The following LHX6 variants were observed in gnomAD, a reference collection of about 807,000 sequenced individuals.
The protein encoded by LHX6 is LIM homeobox 6.
In LHX6, 15 loss-of-function variants were observed where a neutral mutation model predicts 47.1. The observed-to-expected ratio is 0.32, with a 90% CI of 0.21 to 0.49. The LOEUF (loss-of-function observed/expected upper bound fraction) is 0.49. Ranked by LOEUF, LHX6 falls within the 20% of genes least tolerant of loss-of-function variation. LHX6 has a pLI of 0.99. For missense variants in LHX6, 404 were observed against 539.6 expected, an observed-to-expected ratio of 0.75 and a Z score of 2.49; for synonymous variants, 242 against 233.5, an observed-to-expected ratio of 1.04 and a Z score of -0.33.
chr9:122,228,171 G>A, intron 1 of LHX6: 2 of 1,123,146 alleles, frequency 1.8e-6, no homozygotes, highest in South Asian at 2.7e-5. Flanking sequence ...GGATTCAGGC[G>A]CCTTTCGAGG....
At chr9:122,221,245 G>A (rs952899083) in intron 4 of LHX6, 88 of 985,092 alleles carry the variant, frequency 8.9e-5, no homozygotes, top group Non-Finnish European at 1.0e-4. Flanking sequence ...CCCAGAACCA[G>A]CAATTAAGAG....
Position 122,203,615 on chromosome 9 carries a change from T to C in LHX6, c.*1145A>G, listed in dbSNP as rs149824889. 3.3e-5 allele frequency: 5 copies of C among 152,822 alleles called. No homozygotes were observed. In the East Asian group the frequency reaches 5.8e-4, roughly 18 times the overall value. 9.5% of individuals were successfully genotyped at this position (152,822 alleles called of 1,614,324 possible). On this transcript the variant is annotated 3_prime_UTR_variant, in exon 10 of 10. Coordinates refer to ENST00000394319, the MANE Select transcript of LHX6 (RefSeq NM_014368.5). ...TAGCAGGATGGATGTTACGCAGCTG[T>C]GTCTGACCTCTGTTCTCAGGGGTGG...
In LHX6 at chr9:122,217,020, G is replaced by T. The variant is rs1301848542; in HGVS notation, c.682+48C>A. On this transcript the variant is annotated intron_variant, in intron 5 of 9. Transcript: ENST00000394319. This position sits in a 1 kb window ranked among gnomAD's most constrained non-coding sequence, Gnocchi z 4.9. ...TCCTGGGGTGCTGGGGTGGGGTGGG[G>T]TGGGAAAGGGCTGGGGGCAGAGGTG... The T allele has an allele frequency of 1.3e-6, 2 of 1,528,416 alleles. No homozygotes were observed. Among genetic ancestry groups the T allele is most frequent in the East Asian group, 2.3e-5 (1 of 44,240 alleles). 94.7% of individuals were successfully genotyped at this position (1,528,416 alleles called of 1,614,324 possible). A position where few individuals can be genotyped will look rare whatever the true frequency, so the allele number is the denominator to read the frequency against.
At position 122,213,415 on chromosome 9, in the gene LHX6, C is replaced by T. The variant is rs1438506958; in HGVS notation, c.1054+191G>A. Among the ~76,000 whole-genome samples, 2 of 152,168 alleles carry T rather than the reference C, an allele frequency of 1.3e-5. No homozygotes were observed. The highest frequency in any genetic ancestry group is 6.5e-5 in the Admixed American group (1 of 15,282). ...CTTGCCTCTATGAAGGATCCCGCTC[C>T]ACTGAGGCAGAGCCGAAGATTTGAC... On this transcript the variant is annotated intron_variant, in intron 8 of 9. Transcript: ENST00000394319. The surrounding 1 kb of genome is among the most constrained non-coding windows in gnomAD (Gnocchi z 5.5).
In LHX6 at chr9:122,214,340, G is replaced by A; in HGVS notation, c.726C>T (p.Asp242=). Reference sequence around the variant, plus strand: ...CGCGCTTGGCCGGCTTGGGTTGACTGTCCTGTTCCGAGGGCACTGCCCCCT... The same window carrying A: ...CGCGCTTGGCCGGCTTGGGTTGACTATCCTGTTCCGAGGGCACTGCCCCCT... ...TLEGAVPSEQ[D]SQPKPAKRAR... Residue 242 remains aspartate, a synonymous_variant, in exon 6 of 10, where the codon GAC becomes GAT. Transcript: ENST00000394319. The surrounding 1 kb of genome is among the most constrained non-coding windows in gnomAD (Gnocchi z 4.6). 1 of 1,598,242 alleles carries A rather than the reference G, an allele frequency of 6.3e-7. No homozygotes were observed.
At chr9:122,218,883 A>G (rs769644047) in intron 4 of LHX6, among the ~76,000 whole-genome samples, 3 of 151,776 alleles carry the variant, frequency 2.0e-5, no homozygotes, top group South Asian at 2.1e-4. Flanking sequence ...CCTCCCCCAG[A>G]GTCCCACGGC....
rs2118872678 is a variant in LHX6, at chr9:122,217,871, CTG to C, written c.462-585_462-584del. ...TACTGGCTTTGTGACACTAGGCAAA[CTG>C]TTTAACTCTGAGTTCTCGTTTTCCT... On this transcript the variant is annotated intron_variant, in intron 4 of 9. Transcript: ENST00000394319. This position sits in a 1 kb window ranked among gnomAD's most constrained non-coding sequence, Gnocchi z 4.9. 6.6e-6 allele frequency among the ~76,000 whole-genome samples: 1 copy of C among 152,292 alleles called. No individual in the cohort carries two copies. Among genetic ancestry groups the C allele is most frequent in the East Asian group, 1.9e-4 (1 of 5,178 alleles).
intron 9 of LHX6, among the ~76,000 whole-genome samples, chr9:122,206,637 A>C (rs2118821117): frequency 6.6e-6 from 1 of 152,268 alleles, no homozygotes; most frequent in African/African-American, 2.4e-5. Context: ...AGCATGGCTC[A>C]TCCCCCAGGC....
intron 9 of LHX6, among the ~76,000 whole-genome samples, chr9:122,208,282 T>G (rs1830261588): frequency 6.6e-6 from 1 of 152,164 alleles, no homozygotes; most frequent in African/African-American, 2.4e-5. Context: ...CTTTCAGGCC[T>G]GGCCTTAGAG....
chr9:122,209,300 G>A (rs1340665761), intron 9 of LHX6, among the ~76,000 whole-genome samples: 1 of 152,230 alleles, frequency 6.6e-6, no homozygotes, highest in East Asian at 1.9e-4. Context: ...GATGGGAAGT[G>A]GGGTGATGAG....
chr9:122,227,449 G>A lies in LHX6; in HGVS notation c.116C>T (p.Ala39Val). 1 of 1,474,322 alleles carries A rather than the reference G, an allele frequency of 6.8e-7. No homozygotes were observed. Among genetic ancestry groups the A allele is most frequent in the Non-Finnish European group, 9.0e-7 (1 of 1,106,826 alleles). 91.3% of individuals were successfully genotyped at this position (1,474,322 alleles called of 1,614,324 possible). A position where few individuals can be genotyped will look rare whatever the true frequency, so the allele number is the denominator to read the frequency against. The change falls in exon 2 of 10, where the codon GCG (alanine) becomes GTG (valine). Residue 39 changes from alanine (A) to valine (V), a missense_variant. By Grantham distance (64) the Ala-to-Val change is moderately conservative (BLOSUM62 0). Around this residue, in one of 7 missense-constraint regions of LHX6, gnomAD observed 144 missense variants for 128.7 expected, o/e 1.12. Coordinates refer to ENST00000394319, the MANE Select transcript of LHX6 (RefSeq NM_014368.5). The stretch of plus-strand genomic sequence containing the variant: ...GGTCCCTTCAAGACAGCGGGTGGTC[G>A]CTTTGCAGCCGGACCCTGGCTGGGC... ...VMAQPGSGCK[A>V]TTRCLEGTAP...
In LHX6 at chr9:122,208,652, C is replaced by T. The variant is rs138563195; in HGVS notation, c.1158+962G>A. On this transcript the variant is annotated intron_variant, in intron 9 of 9. Coordinates refer to ENST00000394319, the MANE Select transcript of LHX6 (RefSeq NM_014368.5). Reference sequence around the variant, plus strand: ...TTCAAGACCAGCCTGGCCTACGTGGCGAAACCCCATCTCTACTAAAAATAC... The same window carrying T: ...TTCAAGACCAGCCTGGCCTACGTGGTGAAACCCCATCTCTACTAAAAATAC... Among the ~76,000 whole-genome samples the T allele has an allele frequency of 3.5e-3, 525 of 151,758 alleles. 1 individual carries two copies. The highest frequency in any genetic ancestry group is 6.2e-3 in the Non-Finnish European group (418 of 67,908).
At chr9:122,227,987 C>T (rs1659788139) in intron 1 of LHX6, 1 of 266,212 alleles carries the variant, frequency 3.8e-6, no homozygotes. Context: ...TCCTCGCTCC[C>T]TTCTCCTCTC....
chr9:122,227,499 G>GGGGGGA lies in LHX6; in HGVS notation c.85-20_85-19insTCCCCC. ...CCATCACCTGGGGGAGGGGGGGAGG[G>GGGGGGA]AACGCAGGCGGCGGCGGCTGCTGAA... On this transcript the variant is annotated intron_variant, in intron 1 of 9. Coordinates refer to ENST00000394319, the MANE Select transcript of LHX6 (RefSeq NM_014368.5). The GGGGGGA allele has an allele frequency of 4.6e-6, 3 of 656,306 alleles. No individual in the cohort carries two copies. The highest frequency in any genetic ancestry group is 5.3e-5 in the East Asian group (1 of 18,944). 40.7% of individuals were successfully genotyped at this position (656,306 alleles called of 1,614,324 possible).
rs747634996 is a variant in LHX6, at chr9:122,213,646, G to C, written c.1014C>G (p.Pro338=). 1.9e-6 allele frequency: 3 copies of C among 1,609,078 alleles called. No homozygotes were observed. Among genetic ancestry groups the C allele is most frequent in the Non-Finnish European group, 2.5e-6 (3 of 1,177,948 alleles). ...DDIHYTPFSS[P]ERARMVTLHG... is the part of the protein sequence containing the mutation. The stretch of plus-strand genomic sequence containing the variant: ...GCAGGGTGACCATGCGCGCCCGCTC[G>C]GGGCTGCTGAACGGGGTGTAGTGGA... The change falls in exon 8 of 10, where the codon CCC becomes CCG. Residue 338 remains proline (P), a synonymous_variant. Coordinates refer to ENST00000394319, the MANE Select transcript of LHX6 (RefSeq NM_014368.5). This position sits in a 1 kb window ranked among gnomAD's most constrained non-coding sequence, Gnocchi z 5.5.
intron 9 of LHX6, among the ~76,000 whole-genome samples, chr9:122,209,044 T>C (rs1830300423): frequency 6.6e-6 from 1 of 152,158 alleles, no homozygotes; most frequent in Admixed American, 6.5e-5. Context: ...TCATCTGCAC[T>C]ATGGACAAGT....
At position 122,215,994 on chromosome 9, in the gene LHX6, C is replaced by A. The variant is rs139446614; in HGVS notation, c.682+1074G>T. 3.6e-3 allele frequency among the ~76,000 whole-genome samples: 547 copies of A among 152,260 alleles called. 1 individual carries two copies. The highest frequency in any genetic ancestry group is 6.4e-3 in the Non-Finnish European group (438 of 68,024). The stretch of plus-strand genomic sequence containing the variant: ...AACAGAGGCAGCTACATCCCAGAAG[C>A]CTCCTTGGCTTTATGAGATCTGATT... On this transcript the variant is annotated intron_variant, in intron 5 of 9. Transcript: ENST00000394319.
chr9:122,205,384 C>T (rs1251969545), intron 9 of LHX6, among the ~76,000 whole-genome samples: 1 of 152,332 alleles, frequency 6.6e-6, no homozygotes, highest in African/African-American at 2.4e-5. Context: ...AAGTGCGTGG[C>T]TCAGACACAC....
At chr9:122,219,618 G>T (rs973136460) in intron 4 of LHX6, among the ~76,000 whole-genome samples, 3 of 152,178 alleles carry the variant, frequency 2.0e-5, no homozygotes, top group Non-Finnish European at 2.9e-5. Context: ...CTTACTACGG[G>T]CCGGGGTCCT....
Sources: allele counts gnomAD v4.1 joint callset (sites outside exome capture counted in the v4.1 genomes callset), GRCh38; gene constraint gnomAD v4.1.1; regional missense constraint gnomAD v4.1.1; non-coding constraint Gnocchi (gnomAD v3.1); transcripts MANE v1.5; gene names NCBI Gene and HGNC (gene_info 2026-07-23, HGNC 2026-07-21).